The following DLG2 variants were observed in gnomAD, a reference collection of about 807,000 sequenced individuals.
The protein encoded by DLG2 is discs large MAGUK scaffold protein 2, also known as disks large homolog 2.
Under a neutral mutation model 132.5 loss-of-function variants are expected in DLG2, and 45 were observed. That is an observed-to-expected ratio of 0.34 (90% CI 0.27 to 0.44). The LOEUF (loss-of-function observed/expected upper bound fraction) is 0.44. Ranked by LOEUF, DLG2 falls within the 20% of genes least tolerant of loss-of-function variation. DLG2 has a pLI of 1.00. For missense variants in DLG2, 1,045 were observed against 1,196.9 expected (o/e 0.87, Z 1.87); for synonymous variants, 424 against 419.6 (o/e 1.01, Z -0.13).
At chr11:84,163,817 T>G (rs2095601728) in intron 8 of DLG2, among the ~76,000 whole-genome samples, 1 of 152,184 alleles carries the variant, frequency 6.6e-6, no homozygotes, top group African/African-American at 2.4e-5. Context: ...ACAAATCATC[T>G]AGGGGCAATG....
intron 3 of DLG2, among the ~76,000 whole-genome samples, chr11:85,579,221 G>T (rs1348802866): frequency 6.6e-6 from 1 of 152,042 alleles, no homozygotes; most frequent in Non-Finnish European, 1.5e-5. Context: ...AACATGCAAT[G>T]GAGCCTTTCG....
At chr11:83,460,002 AG>A (rs2089579323) in intron 27 of DLG2, 78 bp from the exon 28 acceptor site, 10 of 766,870 alleles carry the variant, frequency 1.3e-5, no homozygotes, top group Non-Finnish European at 2.0e-5. Flanking sequence ...TACACATTGG[AG>A]GCTCAAATCA....
intron 10 of DLG2, among the ~76,000 whole-genome samples, chr11:84,077,707 T>C (rs904246247): frequency 2.0e-5 from 3 of 152,228 alleles, no homozygotes; most frequent in African/African-American, 7.2e-5. Flanking sequence ...CCATGGGATA[T>C]AAGTACATAC....
At position 84,989,851 on chromosome 11, in the gene DLG2, A is replaced by T. The variant is rs539480724; in HGVS notation, c.357+121810T>A. 2.6e-5 allele frequency among the ~76,000 whole-genome samples: 4 copies of T among 152,326 alleles called. No individual in the cohort carries two copies. The South Asian group carries it at 8.3e-4, about 32-fold the overall frequency. On this transcript the variant is annotated intron_variant, in intron 6 of 27. Coordinates refer to ENST00000376104, the MANE Select transcript of DLG2 (RefSeq NM_001142699.3). ...AATAAGTATAATTGATTTTTGACAAAGGTAAAAAACGATCCAGTGAAGGAA... is the reference window on the plus strand; with the variant it reads ...AATAAGTATAATTGATTTTTGACAATGGTAAAAAACGATCCAGTGAAGGAA...
chr11:85,533,907 A>T (rs1249043014), intron 3 of DLG2, among the ~76,000 whole-genome samples: 10 of 152,234 alleles, frequency 6.6e-5, no homozygotes, highest in Admixed American at 6.5e-4. Context: ...CAAATGTTTA[A>T]ATTCCATTTA....
intron 15 of DLG2, among the ~76,000 whole-genome samples, chr11:83,924,354 C>T (rs2086105236): frequency 6.6e-6 from 1 of 152,126 alleles, no homozygotes; most frequent in Admixed American, 6.5e-5. Context: ...ATTTGGAACA[C>T]ATATACCTGC....
chr11:85,188,070 A>G (rs1483076682), intron 4 of DLG2, among the ~76,000 whole-genome samples: 1 of 152,206 alleles, frequency 6.6e-6, no homozygotes, highest in Non-Finnish European at 1.5e-5. Context: ...AATATAATCC[A>G]CAAGCGCAGA....
intron 7 of DLG2, among the ~76,000 whole-genome samples, chr11:84,299,149 T>A (rs571482338): frequency 6.6e-6 from 1 of 152,174 alleles, no homozygotes; most frequent in Non-Finnish European, 1.5e-5. Context: ...GCTTAAAACA[T>A]GTTTAATCCA....
At chr11:84,654,930 G>C (rs931693230) in intron 6 of DLG2, among the ~76,000 whole-genome samples, 1 of 152,118 alleles carries the variant, frequency 6.6e-6, no homozygotes, top group Admixed American at 6.6e-5. Context: ...TCTCATTAAA[G>C]ACCAGAGCTT....
intron 19 of DLG2, among the ~76,000 whole-genome samples, chr11:83,606,875 A>C (rs1001484171): frequency 2.6e-5 from 4 of 152,116 alleles, no homozygotes; most frequent in Non-Finnish European, 5.9e-5. Flanking sequence ...TGCAGTGAGC[A>C]GAGATCGCGC....
rs531001454 is a variant in DLG2 at position 85,316,238 on chromosome 11, C to T, written c.41-30873G>A. On this transcript the variant is annotated intron_variant, in intron 3 of 27. Transcript: ENST00000376104. Reference sequence around the variant, plus strand: ...TAGCTGAAACTTTGTTCTAAAATGACTATTCTCAATGTCGCTAGTGTAATT... The same window carrying T: ...TAGCTGAAACTTTGTTCTAAAATGATTATTCTCAATGTCGCTAGTGTAATT... 5.3e-5 allele frequency among the ~76,000 whole-genome samples: 8 copies of T among 151,980 alleles called. No individual in the cohort carries two copies. The South Asian group carries it at 1.5e-3, about 28-fold the overall frequency.
chr11:85,444,240 A>G (rs2091910411), intron 3 of DLG2, among the ~76,000 whole-genome samples: 1 of 152,208 alleles, frequency 6.6e-6, no homozygotes, highest in Non-Finnish European at 1.5e-5. Context: ...AGAAATCTAA[A>G]AATATAAACT....
chr11:84,516,803 C>T (rs930065153), intron 7 of DLG2, among the ~76,000 whole-genome samples: 12 of 150,542 alleles, frequency 8.0e-5, no homozygotes, highest in Admixed American at 1.3e-4. Context: ...TCCTGATGAA[C>T]GTAGATGCAA....
At chr11:83,663,335 G>A (rs963425899) in intron 18 of DLG2, among the ~76,000 whole-genome samples, 1 of 152,114 alleles carries the variant, frequency 6.6e-6, no homozygotes, top group Non-Finnish European at 1.5e-5. Flanking sequence ...CTCACAGTGG[G>A]TATAATATAC....
chr11:83,753,915 T>A lies in DLG2; in HGVS notation c.1825+32775A>T, dbSNP rs111746684. The stretch of plus-strand genomic sequence containing the variant: ...TATCATATATATATTTCATATATAT[T>A]TCATATATATAGTGTCTATTTCATA... On this transcript the variant is annotated intron_variant, in intron 18 of 27. Coordinates refer to ENST00000376104, the MANE Select transcript of DLG2 (RefSeq NM_001142699.3). 3.3e-3 allele frequency among the ~76,000 whole-genome samples: 433 copies of A among 130,428 alleles called. 19 individuals carry two copies. The highest frequency in any genetic ancestry group is 0.012 in the African/African-American group (371 of 32,162). 85.6% of individuals were successfully genotyped at this position (130,428 alleles called of 152,430 possible).
At chr11:85,093,159 T>C (rs1307353863) in intron 6 of DLG2, among the ~76,000 whole-genome samples, 2 of 152,218 alleles carry the variant, frequency 1.3e-5, no homozygotes, top group Non-Finnish European at 2.9e-5. Flanking sequence ...AGAACTTCTA[T>C]ATCAGCAAGT....
At chr11:83,527,744 A>G (rs2095643690) in intron 21 of DLG2, among the ~76,000 whole-genome samples, 1 of 152,200 alleles carries the variant, frequency 6.6e-6, no homozygotes, top group African/African-American at 2.4e-5. Flanking sequence ...CGTTGCTGAC[A>G]TATAGTAAGG....
chr11:84,380,938 T>C (rs2098747095), intron 7 of DLG2, among the ~76,000 whole-genome samples: 2 of 151,950 alleles, frequency 1.3e-5, no homozygotes, highest in Admixed American at 6.6e-5. Context: ...CTGTGATCCA[T>C]GGAATCTGAT....
intron 18 of DLG2, among the ~76,000 whole-genome samples, chr11:83,730,831 G>C (rs758366530): frequency 6.6e-6 from 1 of 152,136 alleles, no homozygotes; most frequent in Non-Finnish European, 1.5e-5. Flanking sequence ...TGCCCTGGTT[G>C]TCGCCCATGT....
Sources: gnomAD v4.1 joint callset for allele counts (sites outside exome capture counted in the v4.1 genomes callset) on GRCh38, gnomAD v4.1.1 for gene constraint, MANE v1.5 for transcripts, NCBI Gene and HGNC (gene_info 2026-07-23, HGNC 2026-07-21) for gene names.